HERC3: variants seen among roughly 807,000 people sequenced by gnomAD.
HERC3 encodes HECT and RLD domain containing E3 ubiquitin protein ligase 3.
A neutral mutation model predicts 129.9 loss-of-function variants in HERC3; 58 were observed. The ratio of observed to expected loss-of-function variants is 0.45; its 90% CI spans 0.36 to 0.56. The LOEUF (loss-of-function observed/expected upper bound fraction) is 0.56, where lower values mean the gene tolerates loss of function less well. Ranked by LOEUF, HERC3 falls within the 20% of genes least tolerant of loss-of-function variation. The pLI is 0.00. For synonymous variants in HERC3, 430 were observed against 451.0 expected (o/e 0.95, Z 0.59); for missense variants, 835 against 1,244.2 (o/e 0.67, Z 4.95).
rs148387236 is a variant in HERC3 at position 88,687,441 on chromosome 4, C to T, written c.2657+142C>T. ...GTAAGGGTGATAGGGCAATAATTTA[C>T]AGATTTTAAATAATTTTTAAAGCAG... On this transcript the variant is annotated intron_variant, in intron 23 of 25. Coordinates refer to ENST00000402738, the MANE Select transcript of HERC3 (RefSeq NM_014606.3). The T allele has an allele frequency of 2.0e-3, 808 of 404,758 alleles. 10 individuals are homozygous for T. The highest frequency in any genetic ancestry group is 0.015 in the African/African-American group (737 of 47,930). 25.1% of individuals were successfully genotyped at this position (404,758 alleles called of 1,614,324 possible).
intron 23 of HERC3, chr4:88,689,904 C>A: frequency 1.4e-6 from 1 of 717,398 alleles, no homozygotes; most frequent in Non-Finnish European, 1.7e-6. Context: ...ACAAACGACT[C>A]GAAGCTAGTA....
At chr4:88,554,062 T>C in the HERC3 span, among the ~76,000 whole-genome samples, 1 of 152,136 alleles carries the variant, frequency 6.6e-6, no homozygotes, top group Non-Finnish European at 1.5e-5. Flanking sequence ...TTTAAAATGG[T>C]ATCAGCTGGG....
the HERC3 span, among the ~76,000 whole-genome samples, chr4:88,548,366 T>C: frequency 6.6e-6 from 1 of 152,200 alleles, no homozygotes; most frequent in African/African-American, 2.4e-5. Context: ...CTTGTTATTA[T>C]CTTGTCTCCT....
At chr4:88,672,703 T>G (rs926522129) in intron 16 of HERC3, among the ~76,000 whole-genome samples, 2 of 152,220 alleles carry the variant, frequency 1.3e-5, no homozygotes, top group African/African-American at 4.8e-5. Flanking sequence ...AGTTACCTAA[T>G]TTCTATAGGC....
the HERC3 span, among the ~76,000 whole-genome samples, chr4:88,540,037 A>T: frequency 6.6e-6 from 1 of 152,246 alleles, no homozygotes; most frequent in African/African-American, 2.4e-5. Flanking sequence ...CTTCTCCTCC[A>T]AAGGATCGCA....
the HERC3 span, among the ~76,000 whole-genome samples, chr4:88,580,166 C>T: frequency 7.2e-5 from 11 of 152,166 alleles, no homozygotes; most frequent in Admixed American, 3.3e-4. Flanking sequence ...GATGATTGGA[C>T]GAAAGGAGAA....
the HERC3 span, among the ~76,000 whole-genome samples, chr4:88,571,393 A>G: frequency 2.0e-5 from 3 of 152,240 alleles, no homozygotes; most frequent in South Asian, 6.2e-4. Context: ...GGCAATGGTA[A>G]CCTTTTTAGA....
chr4:88,693,760 C>T, intron 23 of HERC3: 4 of 809,524 alleles, frequency 4.9e-6, no homozygotes, highest in Non-Finnish European at 6.0e-6. Context: ...CATCGGCATG[C>T]CAGTTTTCTG....
chr4:88,547,177 A>T, the HERC3 span, among the ~76,000 whole-genome samples: 1 of 152,228 alleles, frequency 6.6e-6, no homozygotes, highest in Non-Finnish European at 1.5e-5. Context: ...CAGATAAAAT[A>T]TCACTACTCT....
intron 3 of HERC3, among the ~76,000 whole-genome samples, chr4:88,623,638 A>G (rs766454699): frequency 3.7e-4 from 56 of 152,178 alleles, no homozygotes; most frequent in Non-Finnish European, 7.5e-4. Context: ...ATAAACGTTG[A>G]CCATCAGTAC....
chr4:88,584,588 C>CGGG, the HERC3 span, among the ~76,000 whole-genome samples: 6 of 152,106 alleles, frequency 3.9e-5, no homozygotes, highest in Admixed American at 3.9e-4. Context: ...GTTGTCACAG[C>CGGG]GGGGGATTAA....
the HERC3 span, among the ~76,000 whole-genome samples, chr4:88,567,437 A>G: frequency 6.6e-6 from 1 of 151,854 alleles, no homozygotes; most frequent in African/African-American, 2.4e-5. Flanking sequence ...TTTTCAGACC[A>G]TTTTCTACAT....
intron 7 of HERC3, 71 bp downstream of exon 7, chr4:88,654,204 A>G: frequency 9.6e-7 from 1 of 1,039,408 alleles, no homozygotes; most frequent in Non-Finnish European, 1.5e-6. Flanking sequence ...TGATTATGTT[A>G]GTGTAGTGAT....
intron 3 of HERC3, among the ~76,000 whole-genome samples, chr4:88,633,184 A>G (rs1726965344): frequency 6.6e-6 from 1 of 152,326 alleles, no homozygotes; most frequent in South Asian, 2.1e-4. Flanking sequence ...GGTGAAGGAA[A>G]AGTCAGAGAA....
chr4:88,571,130 G>A, the HERC3 span, among the ~76,000 whole-genome samples: 1 of 152,170 alleles, frequency 6.6e-6, no homozygotes, highest in African/African-American at 2.4e-5. Context: ...AGTCCCAGGT[G>A]CCATCGTAGT....
chr4:88,549,709 CT>C, the HERC3 span, among the ~76,000 whole-genome samples: 1 of 144,338 alleles, frequency 6.9e-6, no homozygotes, highest in Non-Finnish European at 1.5e-5. Flanking sequence ...TTTTCTTTTT[CT>C]TTTTTTTCTT....
intron 23 of HERC3, among the ~76,000 whole-genome samples, chr4:88,691,563 C>T (rs556155244): frequency 5.9e-5 from 9 of 152,294 alleles, no homozygotes; most frequent in Admixed American, 5.9e-4. Flanking sequence ...TCTCATGACT[C>T]TTATAAGGAC....
At chr4:88,633,917 A>G (rs1376164926) in intron 3 of HERC3, among the ~76,000 whole-genome samples, 1 of 152,272 alleles carries the variant, frequency 6.6e-6, no homozygotes, top group Non-Finnish European at 1.5e-5. Flanking sequence ...GAGGAATGTT[A>G]CATAGTGATT....
At chr4:88,600,742 A>G (rs1045501292) in intron 2 of HERC3, among the ~76,000 whole-genome samples, 3 of 152,220 alleles carry the variant, frequency 2.0e-5, no homozygotes, top group African/African-American at 7.2e-5. Context: ...TTTTGGATGT[A>G]CCCGCTTGTT....
Sources: gnomAD v4.1 joint callset for allele counts (sites outside exome capture counted in the v4.1 genomes callset) on GRCh38, gnomAD v4.1.1 for gene constraint, MANE v1.5 for transcripts, NCBI Gene and HGNC (gene_info 2026-07-23, HGNC 2026-07-21) for gene names.